Variants in APCDD1L observed in about 807,000 individuals in gnomAD.
APCDD1L encodes protein APCDD1-like.
Under a neutral mutation model 24.2 loss-of-function variants are expected in APCDD1L, and 21 were observed. The observed-to-expected ratio is 0.87, with a 90% CI of 0.61 to 1.25. APCDD1L has a LOEUF of 1.25. Ranked by LOEUF, APCDD1L falls within the 50% of genes most tolerant of loss-of-function variation. The pLI, the probability that APCDD1L is intolerant of heterozygous loss-of-function variation, is 0.00. For synonymous variants in APCDD1L, 321 were observed against 323.6 expected (o/e 0.99, Z 0.09); for missense variants, 704 against 711.7 (o/e 0.99, Z 0.12).
chr20:58,515,181 G>A lies in APCDD1L; in HGVS notation c.-474C>T, dbSNP rs1225338199. On this transcript the variant is annotated 5_prime_UTR_variant, in exon 1 of 4. Coordinates refer to ENST00000371149, the MANE Select transcript of APCDD1L (RefSeq NM_153360.3). ...CGTTCCCTGGAAGGGCAAGCGGGGCGGGGAGTTCCTCTAAGCCCCGCCAGT... is the reference window on the plus strand; with the variant it reads ...CGTTCCCTGGAAGGGCAAGCGGGGCAGGGAGTTCCTCTAAGCCCCGCCAGT... 4 of 173,770 alleles carry A rather than the reference G, an allele frequency of 2.3e-5. No homozygotes were observed. Among genetic ancestry groups the A allele is most frequent in the Non-Finnish European group, 4.8e-5 (4 of 83,068 alleles). The allele number at this position is 173,770 out of a possible 1,614,324, so 10.8% of individuals were successfully genotyped here.
intron 1 of APCDD1L, among the ~76,000 whole-genome samples, chr20:58,474,585 T>C (rs1203140047): frequency 6.6e-6 from 1 of 152,064 alleles, no homozygotes; most frequent in Non-Finnish European, 1.5e-5. Flanking sequence ...GCACCTGTAA[T>C]CCCAGCTATT....
In APCDD1L at chr20:58,514,887, T is replaced by C. The variant is rs973057351; in HGVS notation, c.-180A>G. 1 of 421,342 alleles carries C rather than the reference T, an allele frequency of 2.4e-6. No homozygotes were observed. The allele number at this position is 421,342 out of a possible 1,614,324, so 26.1% of individuals were successfully genotyped here. A position where few individuals can be genotyped will look rare whatever the true frequency, so the allele number is the denominator to read the frequency against. On this transcript the variant is annotated 5_prime_UTR_variant, in exon 1 of 4. Coordinates refer to ENST00000371149, the MANE Select transcript of APCDD1L (RefSeq NM_153360.3). Reference sequence around the variant, plus strand: ...CGCGCTCAGCCTTCCCGGCTGTTGATAGTTGTAAGCGGAGCTGCGCACTCA... The same window carrying C: ...CGCGCTCAGCCTTCCCGGCTGTTGACAGTTGTAAGCGGAGCTGCGCACTCA...
chr20:58,473,605 C>T (rs1989852899), intron 1 of APCDD1L, among the ~76,000 whole-genome samples: 1 of 152,124 alleles, frequency 6.6e-6, no homozygotes, highest in South Asian at 2.1e-4. Context: ...TGCTTCCCCC[C>T]CCACCCCTTC....
chr20:58,499,480 T>G (rs1225279444), intron 1 of APCDD1L, among the ~76,000 whole-genome samples: 1 of 152,206 alleles, frequency 6.6e-6, no homozygotes, highest in African/African-American at 2.4e-5. Context: ...TCCCAGTCTC[T>G]TCTCATGCCA....
rs957975123 is a variant in APCDD1L, at chr20:58,470,484, T to TG, written c.188+124dup. On this transcript the variant is annotated intron_variant, in intron 2 of 3. Coordinates refer to ENST00000371149, the MANE Select transcript of APCDD1L (RefSeq NM_153360.3). Reference sequence around the variant, plus strand: ...GGGGAGGCAAGCATCTCCAGCAGCTTGGCAGGTAGAAGGCCTCTTGGATAA... The same window carrying TG: ...GGGGAGGCAAGCATCTCCAGCAGCTTGGGCAGGTAGAAGGCCTCTTGGATAA... The TG allele has an allele frequency of 7.6e-6, 10 of 1,320,860 alleles. No homozygotes were observed. In the African/African-American group the frequency reaches 1.3e-4, roughly 18 times the overall value. The allele number at this position is 1,320,860 out of a possible 1,614,324, so 81.8% of individuals were successfully genotyped here.
At chr20:58,469,672 C>G (rs1338514091) in intron 2 of APCDD1L, among the ~76,000 whole-genome samples, 1 of 152,186 alleles carries the variant, frequency 6.6e-6, no homozygotes, top group Non-Finnish European at 1.5e-5. Flanking sequence ...CTGTGTGCAG[C>G]CTGGCTGAGC....
In APCDD1L at chr20:58,486,854, G is replaced by GTTTTTTTTTT. The variant is rs747539318; in HGVS notation, c.50-16117_50-16108dup. On this transcript the variant is annotated intron_variant, in intron 1 of 3. Transcript: ENST00000371149. The stretch of plus-strand genomic sequence containing the variant: ...AGAAGGAAAATTTACTGGAGGGAAG[G>GTTTTTTTTTT]TTTTTTTTTTTTTTTTTTTTTTTTT... Among the ~76,000 whole-genome samples, 156 of 80,438 alleles carry GTTTTTTTTTT rather than the reference G, an allele frequency of 1.9e-3. 15 individuals are homozygous for GTTTTTTTTTT. Among genetic ancestry groups the GTTTTTTTTTT allele is most frequent in the East Asian group, 4.0e-3 (9 of 2,236 alleles). The allele number at this position is 80,438 out of a possible 152,430, so 52.8% of individuals were successfully genotyped here.
At chr20:58,511,896 A>C (rs1990634936) in intron 1 of APCDD1L, among the ~76,000 whole-genome samples, 1 of 152,200 alleles carries the variant, frequency 6.6e-6, no homozygotes, top group Non-Finnish European at 1.5e-5. Context: ...CAGAGCTGAA[A>C]TTAGAAAAAA....
intron 1 of APCDD1L, among the ~76,000 whole-genome samples, chr20:58,487,271 T>A (rs1990136331): frequency 6.6e-6 from 1 of 152,136 alleles, no homozygotes; most frequent in Non-Finnish European, 1.5e-5. Flanking sequence ...ATTTCTTGCA[T>A]TAATCAGGAG....
intron 1 of APCDD1L, among the ~76,000 whole-genome samples, chr20:58,474,479 G>A (rs867926599): frequency 3.3e-5 from 5 of 152,302 alleles, no homozygotes; most frequent in Admixed American, 6.5e-5. Flanking sequence ...CGAGGTGGGC[G>A]GATCACCTGA....
chr20:58,473,714 A>G (rs1480549950), intron 1 of APCDD1L, among the ~76,000 whole-genome samples: 1 of 152,196 alleles, frequency 6.6e-6, no homozygotes, highest in East Asian at 1.9e-4. Context: ...TGATAGACGG[A>G]GTTAAATGCA....
intron 1 of APCDD1L, among the ~76,000 whole-genome samples, chr20:58,472,233 AG>A (rs1989825554): frequency 6.6e-6 from 1 of 152,162 alleles, no homozygotes; most frequent in Non-Finnish European, 1.5e-5. Context: ...GATTATGACA[AG>A]GGGGATGACG....
At chr20:58,514,476 G>A (rs1990699330) in intron 1 of APCDD1L, among the ~76,000 whole-genome samples, 183 bp downstream of exon 1, 1 of 152,240 alleles carries the variant, frequency 6.6e-6, no homozygotes, top group African/African-American at 2.4e-5. Context: ...GCCCCAGGAA[G>A]CTCCTGGAGG....
At position 58,461,946 on chromosome 20, in the gene APCDD1L, C is replaced by T. The variant is rs1989618590; in HGVS notation, c.742-392G>A. On this transcript the variant is annotated intron_variant, in intron 3 of 3. Coordinates refer to ENST00000371149, the MANE Select transcript of APCDD1L (RefSeq NM_153360.3). The surrounding 1 kb of genome is among the most constrained non-coding windows in gnomAD (Gnocchi z 6.0). ...CCTCATTCCACCCCCTGAGACTCTCCTCTCTCTACCCCTCACCCCTCATCA... is the reference window on the plus strand; with the variant it reads ...CCTCATTCCACCCCCTGAGACTCTCTTCTCTCTACCCCTCACCCCTCATCA... 1 of 194,914 alleles carries T rather than the reference C, an allele frequency of 5.1e-6. No individual in the cohort carries two copies. The highest frequency in any genetic ancestry group is 1.0e-5 in the Non-Finnish European group (1 of 96,674). The allele number at this position is 194,914 out of a possible 1,614,324, so 12.1% of individuals were successfully genotyped here.
At chr20:58,470,236 T>C (rs1239240202) in intron 2 of APCDD1L, among the ~76,000 whole-genome samples, 1 of 152,254 alleles carries the variant, frequency 6.6e-6, no homozygotes, top group Non-Finnish European at 1.5e-5. Flanking sequence ...TCCAGGTCAC[T>C]TGCTATCACA....
Position 58,460,559 on chromosome 20 carries a change from G to A in APCDD1L, c.*231C>T, listed in dbSNP as rs555308674. 17 of 426,828 alleles carry A rather than the reference G, an allele frequency of 4.0e-5. No homozygotes were observed. Among genetic ancestry groups the A allele is most frequent in the Admixed American group, 1.2e-4 (3 of 25,356 alleles). The allele number at this position is 426,828 out of a possible 1,614,324, so 26.4% of individuals were successfully genotyped here. On this transcript the variant is annotated 3_prime_UTR_variant, in exon 4 of 4. Coordinates refer to ENST00000371149, the MANE Select transcript of APCDD1L (RefSeq NM_153360.3). The surrounding 1 kb of genome is among the most constrained non-coding windows in gnomAD (Gnocchi z 4.2). ...TCACGTAGCGATGAACATCACTGCC[G>A]CATCCAAGTGCTTGACTGGGGACCC...
At chr20:58,481,470 C>A (rs1410387994) in intron 1 of APCDD1L, among the ~76,000 whole-genome samples, 1 of 152,198 alleles carries the variant, frequency 6.6e-6, no homozygotes. Flanking sequence ...GGTTCTCCAC[C>A]AGATCTTCCC....
At chr20:58,486,854 G>GTTTTTTTTTTTTTTTTTTTTTTTTT (rs747539318) in intron 1 of APCDD1L, among the ~76,000 whole-genome samples, 1 of 80,438 alleles carries the variant, frequency 1.2e-5, no homozygotes, top group Non-Finnish European at 2.1e-5. Flanking sequence ...TGGAGGGAAG[G>GTTTTTTTTTTTTTTTTTTTTTTTTT]TTTTTTTTTT....
chr20:58,481,251 T>G (rs1332634965), intron 1 of APCDD1L, among the ~76,000 whole-genome samples: 1 of 152,232 alleles, frequency 6.6e-6, no homozygotes, highest in Non-Finnish European at 1.5e-5. Flanking sequence ...ACTGAACTTT[T>G]ATTAGCTCTC....
Sources: allele counts gnomAD v4.1 joint callset (sites outside exome capture counted in the v4.1 genomes callset), GRCh38; gene constraint gnomAD v4.1.1; non-coding constraint Gnocchi (gnomAD v3.1); transcripts MANE v1.5; gene names NCBI Gene and HGNC (gene_info 2026-07-23, HGNC 2026-07-21).